The following MRTO4 variants were observed in gnomAD, a reference collection of about 807,000 sequenced individuals.
MRTO4 encodes mRNA turnover protein 4 homolog.
A neutral mutation model predicts 28.6 loss-of-function variants in MRTO4; 7 were observed. The ratio of observed to expected loss-of-function variants is 0.24; its 90% CI spans 0.14 to 0.46. The LOEUF (loss-of-function observed/expected upper bound fraction) is 0.46. MRTO4 is among the 20% of genes least tolerant of loss of function. The pLI, the probability that MRTO4 is intolerant of heterozygous loss-of-function variation, is 0.99. For synonymous variants in MRTO4, 113 were observed against 108.2 expected, an observed-to-expected ratio of 1.04 and a Z score of -0.27; for missense variants, 302 against 298.3, an observed-to-expected ratio of 1.01 and a Z score of -0.09.
chr1:19,252,097 C>G, intron 1 of MRTO4: 1 of 592,276 alleles, frequency 1.7e-6, no homozygotes, highest in Non-Finnish European at 2.9e-6. Flanking sequence ...GTTTCAGGTG[C>G]TCTTGCAAGG....
chr1:19,257,658 G>C (rs1474935862), intron 5 of MRTO4, 137 bp downstream of exon 5: 2 of 1,356,274 alleles, frequency 1.5e-6, no homozygotes, highest in Non-Finnish European at 2.1e-6. Context: ...CTAGTGGCCT[G>C]GGACCACAGC....
At chr1:19,257,028 C>A in intron 3 of MRTO4, 36 bp from the exon 4 acceptor site, 1 of 1,604,876 alleles carries the variant, frequency 6.2e-7, no homozygotes, top group Non-Finnish European at 8.5e-7. Flanking sequence ...GGGCAGGGCT[C>A]TTCCTTCACA....
In MRTO4 at chr1:19,259,048, G is replaced by C. The variant is rs957349136; in HGVS notation, c.*218G>C. The C allele has an allele frequency of 1.8e-5, 10 of 551,880 alleles. No individual in the cohort carries two copies. The highest frequency in any genetic ancestry group is 1.6e-4 in the Admixed American group (5 of 30,506). 34.2% of individuals were successfully genotyped at this position (551,880 alleles called of 1,614,324 possible). A position where few individuals can be genotyped will look rare whatever the true frequency, so the allele number is the denominator to read the frequency against. On this transcript the variant is annotated 3_prime_UTR_variant, in exon 8 of 8. Transcript: ENST00000330263. ...GAAGCCGAGGTGGGCAGATCATAAG[G>C]TCGGGAGATTAAGACCATCCTGGCT...
rs145115818 is a variant in MRTO4 at position 19,255,755 on chromosome 1, G to T, written c.88-193G>T. On this transcript the variant is annotated intron_variant, in intron 2 of 7. Coordinates refer to ENST00000330263, the MANE Select transcript of MRTO4 (RefSeq NM_016183.4). ...AAAAGGCCGTGGGGTGTAGATCCAT[G>T]GCTCAGCCTCCCCTGTGGTTAGGGA... 5.0e-3 allele frequency among the ~76,000 whole-genome samples: 764 copies of T among 151,618 alleles called. 2 individuals are homozygous for T. Among genetic ancestry groups the T allele is most frequent in the African/African-American group, 0.016 (674 of 41,312 alleles).
chr1:19,257,245 C>A, intron 4 of MRTO4, 100 bp downstream of exon 4: 1 of 1,341,776 alleles, frequency 7.5e-7, no homozygotes, highest in Non-Finnish European at 1.1e-6. Context: ...AGGCCGGAGG[C>A]TCAGGGAGAG....
At chr1:19,258,364 T>G in intron 6 of MRTO4, 113 bp from the exon 7 acceptor site, 1 of 1,278,742 alleles carries the variant, frequency 7.8e-7, no homozygotes, top group Non-Finnish European at 1.1e-6. Context: ...CAGTGTGTGT[T>G]GGAGCCGTGG....
At chr1:19,252,254 T>C (rs1179792567) in intron 1 of MRTO4, 19 of 272,272 alleles carry the variant, frequency 7.0e-5, no homozygotes, top group Non-Finnish European at 2.8e-5. Context: ...CACAGGTTTG[T>C]TCCCGTGTCT....
In MRTO4 at chr1:19,251,851, C is replaced by T. The variant is rs2093661075; in HGVS notation, c.16C>T (p.Arg6Cys). Reference protein sequence around the residue: MPKSKRDKKVSLTKTA... With the variant: MPKSKCDKKVSLTKTA... ...ATTCAGCGCGATGCCCAAATCCAAGCGCGACAAGAAAGGTGGGCGAAGGGG... is the reference window on the plus strand; with the variant it reads ...ATTCAGCGCGATGCCCAAATCCAAGTGCGACAAGAAAGGTGGGCGAAGGGG... Residue 6 changes from arginine (R) to cysteine (C), a missense_variant, in exon 1 of 8, where the codon CGC (arginine) becomes TGC (cysteine). Coordinates refer to ENST00000330263, the MANE Select transcript of MRTO4 (RefSeq NM_016183.4). 6.3e-7 allele frequency: 1 copy of T among 1,590,802 alleles called. No individual in the cohort carries two copies. Among genetic ancestry groups the T allele is most frequent in the East Asian group, 2.3e-5 (1 of 43,552 alleles).
rs969719134 is a variant in MRTO4, at chr1:19,252,093, G to A, written c.28+230G>A. The A allele has an allele frequency of 8.2e-6, 5 of 606,286 alleles. No homozygotes were observed. In the African/African-American group the frequency reaches 9.6e-5, roughly 12 times the overall value. The allele number at this position is 606,286 out of a possible 1,614,324, so 37.6% of individuals were successfully genotyped here. On this transcript the variant is annotated intron_variant, in intron 1 of 7. Coordinates refer to ENST00000330263, the MANE Select transcript of MRTO4 (RefSeq NM_016183.4). ...CGGAGACTCGTTTTGCCTAGTTTCA[G>A]GTGCTCTTGCAAGGCCAACTGGGTC...
intron 3 of MRTO4, 80 bp from the exon 4 acceptor site, chr1:19,256,984 C>T (rs544478264): frequency 1.7e-4 from 235 of 1,392,168 alleles, no homozygotes; most frequent in South Asian, 7.5e-4. Flanking sequence ...CACTGGGGAC[C>T]GGAGCTACTT....
At chr1:19,251,967 G>A in intron 1 of MRTO4, 104 bp downstream of exon 1, 2 of 1,468,498 alleles carry the variant, frequency 1.4e-6, no homozygotes, top group Non-Finnish European at 9.2e-7. Context: ...GGAACGCCAG[G>A]ACATCCTCGA....
chr1:19,255,522 T>G lies in MRTO4; in HGVS notation c.88-426T>G, dbSNP rs951854412. On this transcript the variant is annotated intron_variant, in intron 2 of 7. Transcript: ENST00000330263. ...CAGGCTGGGTGAAACAGTCTCCTCC[T>G]GCACAATGACTCCACTCCTAGAGGC... 3.9e-5 allele frequency among the ~76,000 whole-genome samples: 6 copies of G among 152,258 alleles called. No individual in the cohort carries two copies. In the South Asian group the frequency reaches 1.2e-3, roughly 32 times the overall value.
At position 19,258,564 on chromosome 1, in the gene MRTO4, C is replaced by G. The variant is rs201346279; in HGVS notation, c.570+11C>G. 3.7e-6 allele frequency: 6 copies of G among 1,613,926 alleles called. No individual in the cohort carries two copies. The East Asian group carries it at 1.3e-4, about 36-fold the overall frequency. ...CAGGCTCGCGTCCTGGTGAGTCTGGCGCCTTGCGGGCTGTTGCGGGCGGGG... is the reference window on the plus strand; with the variant it reads ...CAGGCTCGCGTCCTGGTGAGTCTGGGGCCTTGCGGGCTGTTGCGGGCGGGG... On this transcript the variant is annotated intron_variant, in intron 7 of 7. Transcript: ENST00000330263.
At chr1:19,258,228 T>C (rs1277417517) in intron 6 of MRTO4, among the ~76,000 whole-genome samples, 2 of 150,926 alleles carry the variant, frequency 1.3e-5, no homozygotes, top group African/African-American at 4.9e-5. Flanking sequence ...GTCAAAAAAT[T>C]AGACAGCCAT....
chr1:19,251,979 G>C, intron 1 of MRTO4, 116 bp downstream of exon 1: 1 of 1,396,808 alleles, frequency 7.2e-7, no homozygotes, highest in Admixed American at 2.3e-5. Flanking sequence ...CATCCTCGAG[G>C]TGTTCCGCTG....
chr1:19,252,840 A>G (rs2093664622), intron 1 of MRTO4, among the ~76,000 whole-genome samples: 1 of 152,170 alleles, frequency 6.6e-6, no homozygotes, highest in African/African-American at 2.4e-5. Flanking sequence ...TATTTTTTAT[A>G]GAGAAGACTC....
rs747277399 is a variant in MRTO4, at chr1:19,254,734, G to A, written c.29-48G>A. ...GGGGAGAAGAAAATAAGTCTCCAGT[G>A]CATTTAGATTGGTCTCTCATCATCT... On this transcript the variant is annotated intron_variant, in intron 1 of 7. Transcript: ENST00000330263. 2.1e-6 allele frequency: 3 copies of A among 1,436,848 alleles called. No individual in the cohort carries two copies. In the South Asian group the frequency reaches 3.4e-5, roughly 16 times the overall value. The allele number at this position is 1,436,848 out of a possible 1,614,324, so 89.0% of individuals were successfully genotyped here.
chr1:19,258,461 C>T lies in MRTO4; in HGVS notation c.494-16C>T. The T allele has an allele frequency of 6.2e-7, 1 of 1,613,250 alleles. No homozygotes were observed. Among genetic ancestry groups the T allele is most frequent in the South Asian group, 1.1e-5 (1 of 91,072 alleles). On this transcript the variant is annotated splice_polypyrimidine_tract_variant and intron_variant, in intron 6 of 7. Transcript: ENST00000330263. ...CCTCTGGGCCAGAGGTAACTGAGAG[C>T]CACCCTCTTCTGCAGGTGTGGTGAC...
rs1178571867 is a variant in MRTO4 at position 19,255,974 on chromosome 1, G to A, written c.114G>A (p.Lys38=). The change falls in exon 3 of 8, where the codon AAG becomes AAA. Residue 38 remains lysine, a synonymous_variant. Coordinates refer to ENST00000330263, the MANE Select transcript of MRTO4 (RefSeq NM_016183.4). ...TTCGGAAATGTGTGGACACCTACAA[G>A]TACCTTTTCATCTTCTCTGTGGCCA... ...EELRKCVDTY[K]YLFIFSVANM... is the part of the protein sequence containing the mutation. 1 of 1,614,106 alleles carries A rather than the reference G, an allele frequency of 6.2e-7. No homozygotes were observed. The highest frequency in any genetic ancestry group is 8.5e-7 in the Non-Finnish European group (1 of 1,180,026).
Sources: gnomAD v4.1 joint callset for allele counts (sites outside exome capture counted in the v4.1 genomes callset) on GRCh38, gnomAD v4.1.1 for gene constraint, MANE v1.5 for transcripts, NCBI Gene and HGNC (gene_info 2026-07-23, HGNC 2026-07-21) for gene names.